The following CLIP4 variants were observed in gnomAD, a reference collection of about 807,000 sequenced individuals.
The protein encoded by CLIP4 is CAP-Gly domain containing linker protein family member 4.
In CLIP4, 47 loss-of-function variants were observed where a neutral mutation model predicts 73.1. The ratio of observed to expected loss-of-function variants is 0.64; its 90% confidence interval spans 0.51 to 0.82. CLIP4 has a LOEUF of 0.82. Among genes scored for constraint, CLIP4 ranks in the 40% least tolerant of loss-of-function variants. The pLI is 0.00. For missense variants in CLIP4, 874 were observed against 852.9 expected (o/e 1.02, Z -0.31); for synonymous variants, 306 against 295.4 (o/e 1.04, Z -0.37).
chr2:29,156,666 A>G (rs1477535905), intron 10 of CLIP4, among the ~76,000 whole-genome samples: 1 of 152,184 alleles, frequency 6.6e-6, no homozygotes, highest in African/African-American at 2.4e-5. Flanking sequence ...CTTAAATTAG[A>G]TAACTACTGG....
At chr2:29,125,965 A>G (rs1664574835) in intron 2 of CLIP4, among the ~76,000 whole-genome samples, 1 of 152,166 alleles carries the variant, frequency 6.6e-6, no homozygotes, top group South Asian at 2.1e-4. Flanking sequence ...ACCTGAGGTT[A>G]GGAGTTCAAG....
At chr2:29,166,758 A>G (rs1244105658) in intron 13 of CLIP4, among the ~76,000 whole-genome samples, 1 of 152,220 alleles carries the variant, frequency 6.6e-6, no homozygotes, top group Non-Finnish European at 1.5e-5. Flanking sequence ...TATGTTGTAT[A>G]TCATGTAAAA....
At chr2:29,151,224 A>G (rs1038820029) in intron 8 of CLIP4, among the ~76,000 whole-genome samples, 4 of 152,176 alleles carry the variant, frequency 2.6e-5, no homozygotes, top group Admixed American at 2.6e-4. Context: ...AAACCTTGTA[A>G]CGTTTGTCAT....
At chr2:29,135,688 G>A (rs1262536135) in intron 6 of CLIP4, 22 bp downstream of exon 6, 1 of 1,481,172 alleles carries the variant, frequency 6.8e-7, no homozygotes, top group Admixed American at 2.0e-5. Context: ...AATTAAAAGT[G>A]AAAAATATTA....
At chr2:29,171,468 T>C (rs1178636484) in intron 14 of CLIP4, among the ~76,000 whole-genome samples, 1 of 152,152 alleles carries the variant, frequency 6.6e-6, no homozygotes. Context: ...TTGTAACCTT[T>C]CTATGTTCTT....
intron 1 of CLIP4, among the ~76,000 whole-genome samples, chr2:29,104,922 C>T (rs926764133): frequency 4.6e-5 from 7 of 152,096 alleles, no homozygotes; most frequent in Non-Finnish European, 7.4e-5. Context: ...TGCAAGTGGG[C>T]GGCAAGCCAG....
At chr2:29,177,407 C>A (rs1201563357) in intron 15 of CLIP4, among the ~76,000 whole-genome samples, 25 of 136,560 alleles carry the variant, frequency 1.8e-4, no homozygotes, top group South Asian at 4.9e-4. Flanking sequence ...GACTCCGTCT[C>A]AAAAAAAAAA....
Position 29,146,691 on chromosome 2 carries a change from G to A in CLIP4, c.1021+1324G>A, listed in dbSNP as rs80326791. ...TGTGGTATGATGATGATGATGAAGC[G>A]GATGGACTTTGGAGTCTGACTGCTT... On this transcript the variant is annotated intron_variant, in intron 8 of 15. Transcript: ENST00000320081. 3.4e-3 allele frequency among the ~76,000 whole-genome samples: 521 copies of A among 152,254 alleles called. 2 individuals are homozygous for A. The highest frequency in any genetic ancestry group is 0.012 in the African/African-American group (503 of 41,544).
At chr2:29,156,295 A>T in intron 9 of CLIP4, 59 bp from the exon 10 acceptor site, 1 of 1,200,472 alleles carries the variant, frequency 8.3e-7, no homozygotes, top group South Asian at 1.5e-5. Context: ...ACTTTAAAAA[A>T]TACATTTTAT....
At chr2:29,157,533 T>G in intron 11 of CLIP4, 186 bp downstream of exon 11, 1 of 782,358 alleles carries the variant, frequency 1.3e-6, no homozygotes, top group East Asian at 2.8e-5. Flanking sequence ...GTCTCAGATA[T>G]AAGACTTTGC....
intron 6 of CLIP4, among the ~76,000 whole-genome samples, chr2:29,141,670 T>C (rs1284731417): frequency 1.3e-5 from 2 of 152,220 alleles, no homozygotes; most frequent in Non-Finnish European, 2.9e-5. Flanking sequence ...GATAGATCTC[T>C]CTCCAGCCTT....
chr2:29,166,926 A>T (rs1667660279), intron 13 of CLIP4, among the ~76,000 whole-genome samples: 1 of 152,198 alleles, frequency 6.6e-6, no homozygotes, highest in Admixed American at 6.5e-5. Context: ...GTCAGGATTG[A>T]CTTTTTAAAG....
At chr2:29,176,460 C>G (rs747632216) in intron 15 of CLIP4, among the ~76,000 whole-genome samples, 3 of 152,142 alleles carry the variant, frequency 2.0e-5, no homozygotes, top group Non-Finnish European at 4.4e-5. Context: ...CCTTGGAGGG[C>G]ACGTTTGGCC....
intron 1 of CLIP4, among the ~76,000 whole-genome samples, chr2:29,099,301 T>G (rs1667971034): frequency 6.6e-6 from 1 of 152,256 alleles, no homozygotes; most frequent in Admixed American, 6.5e-5. Flanking sequence ...GATTTTCTCC[T>G]ATGTTATCTT....
At chr2:29,132,394 C>T (rs1251830560) in intron 4 of CLIP4, 149 bp downstream of exon 4, 1 of 645,820 alleles carries the variant, frequency 1.5e-6, no homozygotes, top group Non-Finnish European at 2.7e-6. Context: ...TTAGGTCCTT[C>T]CAAAAACCAT....
intron 11 of CLIP4, 47 bp downstream of exon 11, chr2:29,157,394 G>C (rs777357717): frequency 6.2e-7 from 1 of 1,613,496 alleles, no homozygotes; most frequent in Non-Finnish European, 8.5e-7. Flanking sequence ...TTTTTATCTT[G>C]GTTTGTTTGT....
At chr2:29,148,099 C>T (rs1666291026) in intron 8 of CLIP4, among the ~76,000 whole-genome samples, 1 of 152,108 alleles carries the variant, frequency 6.6e-6, no homozygotes, top group Non-Finnish European at 1.5e-5. Context: ...TACCCCCGTC[C>T]CCTTGTATGT....
chr2:29,103,036 A>G (rs1408690571), intron 1 of CLIP4, among the ~76,000 whole-genome samples: 1 of 152,058 alleles, frequency 6.6e-6, no homozygotes, highest in South Asian at 2.1e-4. Context: ...GTTCCCTCTC[A>G]AAACCTACCA....
At chr2:29,165,208 T>C (rs958889036) in intron 13 of CLIP4, among the ~76,000 whole-genome samples, 1 of 152,178 alleles carries the variant, frequency 6.6e-6, no homozygotes, top group African/African-American at 2.4e-5. Flanking sequence ...TGTTACTTTG[T>C]AATTGTTTTT....
Sources: gnomAD v4.1 joint callset for allele counts (sites outside exome capture counted in the v4.1 genomes callset) on GRCh38, gnomAD v4.1.1 for gene constraint, MANE v1.5 for transcripts, NCBI Gene and HGNC (gene_info 2026-07-23, HGNC 2026-07-21) for gene names.